The following SETBP1 variants were observed in gnomAD, a reference collection of about 807,000 sequenced individuals.
The protein encoded by SETBP1 is SET binding protein 1.
SETBP1 carries 9 observed loss-of-function variants against 101.0 expected under a neutral mutation model. That is an observed-to-expected ratio of 0.09 (90% CI 0.05 to 0.16). The LOEUF (loss-of-function observed/expected upper bound fraction) is 0.16, where lower values mean the gene tolerates loss of function less well. Ranked by LOEUF, SETBP1 falls within the 10% of genes least tolerant of loss-of-function variation. The pLI, the probability that SETBP1 is intolerant of heterozygous loss-of-function variation, is 1.00. For synonymous variants in SETBP1, 818 were observed against 788.5 expected (o/e 1.04, Z -0.63); for missense variants, 1,858 against 2,033.8 (o/e 0.91, Z 1.66).
At chr18:44,993,512 G>A (rs1041671751) in intron 4 of SETBP1, among the ~76,000 whole-genome samples, 1 of 151,818 alleles carries the variant, frequency 6.6e-6, no homozygotes, top group African/African-American at 2.4e-5. Flanking sequence ...CTGATGTATA[G>A]AAATGAATAC....
At chr18:44,869,380 A>T (rs2069216806) in intron 3 of SETBP1, 97 bp downstream of exon 3, 1 of 1,126,670 alleles carries the variant, frequency 8.9e-7, no homozygotes, top group African/African-American at 1.5e-5. Context: ...AGAAACCCGA[A>T]CCTTGGATTT....
chr18:44,827,052 A>G (rs1340843945), intron 2 of SETBP1, among the ~76,000 whole-genome samples: 1 of 152,208 alleles, frequency 6.6e-6, no homozygotes, highest in African/African-American at 2.4e-5. Context: ...TTACTGAAGT[A>G]CCTCAGTTCA....
rs1044666489 is a variant in SETBP1 at position 45,057,984 on chromosome 18, G to A, written c.4172-5095G>A. Among the ~76,000 whole-genome samples the A allele has an allele frequency of 7.2e-5, 11 of 152,208 alleles. 1 individual carries two copies. Among genetic ancestry groups the A allele is most frequent in the Admixed American group, 7.2e-4 (11 of 15,290 alleles). The stretch of plus-strand genomic sequence containing the variant: ...TTGACAAAATCAACAGAATGCTGAT[G>A]AGCCAATCTTCTGATAATGGGAGTG... On this transcript the variant is annotated intron_variant, in intron 5 of 5. Coordinates refer to ENST00000649279, the MANE Select transcript of SETBP1 (RefSeq NM_015559.3).
In SETBP1 at chr18:44,950,342, G is replaced by A. The variant is rs1227434675; in HGVS notation, c.1002G>A (p.Lys334=). The change falls in exon 4 of 6, where the codon AAG becomes AAA. Residue 334 remains lysine (K), a synonymous_variant. Coordinates refer to ENST00000649279, the MANE Select transcript of SETBP1 (RefSeq NM_015559.3). ...EPPEPPTVGS[K]KKSSKKDVIS... is the part of the protein sequence containing the mutation. ...CAGAACCACCTACGGTGGGCAGCAA[G>A]AAAAAGTCCAGTAAAAAAGATGTGA... 6.2e-7 allele frequency: 1 copy of A among 1,614,002 alleles called. No homozygotes were observed. Among genetic ancestry groups the A allele is most frequent in the South Asian group, 1.1e-5 (1 of 91,078 alleles).
At position 45,054,761 on chromosome 18, in the gene SETBP1, T is replaced by G. The variant is rs578209195; in HGVS notation, c.4172-8318T>G. Reference sequence around the variant, plus strand: ...CAGCTTAGATTATCTCTGGAATGAGTCGCCACTGTCATTATCTGTCCAAAG... The same window carrying G: ...CAGCTTAGATTATCTCTGGAATGAGGCGCCACTGTCATTATCTGTCCAAAG... On this transcript the variant is annotated intron_variant, in intron 5 of 5. Transcript: ENST00000649279. Among the ~76,000 whole-genome samples the G allele has an allele frequency of 2.4e-4, 37 of 152,254 alleles. 1 individual carries two copies. Among genetic ancestry groups the G allele is most frequent in the Admixed American group, 1.4e-3 (22 of 15,292 alleles).
chr18:45,015,049 C>T lies in SETBP1; in HGVS notation c.4001-23436C>T, dbSNP rs1322003015. ...ACATCAGGGGATTCCTGATCAGTGG[C>T]GAGCATGCCAGGGCTTGGGGAGGAT... On this transcript the variant is annotated intron_variant, in intron 4 of 5. Transcript: ENST00000649279. Among the ~76,000 whole-genome samples the T allele has an allele frequency of 3.9e-5, 6 of 152,224 alleles. No homozygotes were observed. The East Asian group carries it at 5.8e-4, about 15-fold the overall frequency.
chr18:45,033,219 T>G (rs1375703062), intron 4 of SETBP1, among the ~76,000 whole-genome samples: 6 of 152,164 alleles, frequency 3.9e-5, no homozygotes, highest in Non-Finnish European at 8.8e-5. Context: ...TTGTGAAAAA[T>G]ATGTCATTTA....
chr18:44,864,978 C>T (rs2069097649), intron 2 of SETBP1, among the ~76,000 whole-genome samples: 1 of 152,024 alleles, frequency 6.6e-6, no homozygotes, highest in Admixed American at 6.6e-5. Context: ...AAGGCAGTGG[C>T]TTTGAGGAGG....
chr18:44,975,967 A>G (rs976180214), intron 4 of SETBP1, among the ~76,000 whole-genome samples: 3 of 151,996 alleles, frequency 2.0e-5, no homozygotes, highest in Admixed American at 6.6e-5. Flanking sequence ...GGCTCTTTCT[A>G]CTTTCTGTCT....
Position 45,063,206 on chromosome 18 carries a change from C to A in SETBP1, c.4299C>A (p.Ile1433=). The change falls in exon 6 of 6, where the codon ATC becomes ATA. Residue 1433 remains isoleucine, a synonymous_variant. Coordinates refer to ENST00000649279, the MANE Select transcript of SETBP1 (RefSeq NM_015559.3). The part of the protein sequence containing the change: ...TKKNLDHVNK[I]LKAKRLQRQS... The stretch of plus-strand genomic sequence containing the variant: ...AGAACCTGGACCACGTGAACAAGAT[C>A]CTGAAGGCCAAGCGGCTGCAGAGAC... The A allele has an allele frequency of 6.2e-7, 1 of 1,614,024 alleles. No individual in the cohort carries two copies. Among genetic ancestry groups the A allele is most frequent in the Non-Finnish European group, 8.5e-7 (1 of 1,179,988 alleles).
chr18:44,878,728 C>T (rs911853058), intron 3 of SETBP1, among the ~76,000 whole-genome samples: 3 of 152,170 alleles, frequency 2.0e-5, no homozygotes, highest in African/African-American at 4.8e-5. Flanking sequence ...AACCCCACTA[C>T]CTGGCTCCCA....
chr18:44,767,581 G>T (rs1467753025), intron 2 of SETBP1, among the ~76,000 whole-genome samples: 1 of 152,208 alleles, frequency 6.6e-6, no homozygotes, highest in Non-Finnish European at 1.5e-5. Context: ...TGTAAAAAAA[G>T]ATTAAACAGG....
intron 2 of SETBP1, among the ~76,000 whole-genome samples, chr18:44,765,811 C>T (rs1361973742): frequency 6.6e-6 from 1 of 152,176 alleles, no homozygotes; most frequent in Non-Finnish European, 1.5e-5. Context: ...AAACAAGCAC[C>T]CATGAAGCAT....
At chr18:45,000,145 G>GTTAA (rs1205375741) in intron 4 of SETBP1, among the ~76,000 whole-genome samples, 1 of 152,200 alleles carries the variant, frequency 6.6e-6, no homozygotes. Flanking sequence ...TGTTTAAGAG[G>GTTAA]GATATGATTT....
chr18:44,947,753 G>A (rs184933682), intron 3 of SETBP1, among the ~76,000 whole-genome samples: 32 of 152,210 alleles, frequency 2.1e-4, no homozygotes, highest in Admixed American at 1.5e-3. Flanking sequence ...TGATCTGCCC[G>A]CCTCGGCCTC....
intron 2 of SETBP1, among the ~76,000 whole-genome samples, chr18:44,704,021 AAGC>A (rs2069167695): frequency 6.6e-6 from 1 of 152,208 alleles, no homozygotes; most frequent in Non-Finnish European, 1.5e-5. Context: ...GCCAGGATTT[AAGC>A]AGCAACCCAC....
chr18:44,717,914 CTG>C (rs5824555), intron 2 of SETBP1, among the ~76,000 whole-genome samples: 167 of 150,436 alleles, frequency 1.1e-3, no homozygotes, highest in African/African-American at 3.3e-3. Context: ...ATATATGCAT[CTG>C]TGTGTGTGTG....
intron 2 of SETBP1, among the ~76,000 whole-genome samples, chr18:44,804,299 C>T (rs2071678954): frequency 1.3e-5 from 2 of 152,050 alleles, no homozygotes; most frequent in Non-Finnish European, 2.9e-5. Flanking sequence ...GGGCTTAGGC[C>T]AGGCGATTTT....
Position 44,725,822 on chromosome 18 carries a change from C to T in SETBP1, c.486+23990C>T, listed in dbSNP as rs1054189420. On this transcript the variant is annotated intron_variant, in intron 2 of 5. Transcript: ENST00000649279. Reference sequence around the variant, plus strand: ...TCAACATACCTCCCCCCTCCAACTCCGTTTTCTTCCCACAGCCACCAAAGC... The same window carrying T: ...TCAACATACCTCCCCCCTCCAACTCTGTTTTCTTCCCACAGCCACCAAAGC... 2.6e-5 allele frequency among the ~76,000 whole-genome samples: 4 copies of T among 152,136 alleles called. No homozygotes were observed. In the East Asian group the frequency reaches 5.8e-4, roughly 22 times the overall value.
Sources: gnomAD v4.1 joint callset for allele counts (sites outside exome capture counted in the v4.1 genomes callset) on GRCh38, gnomAD v4.1.1 for gene constraint, MANE v1.5 for transcripts, NCBI Gene and HGNC (gene_info 2026-07-23, HGNC 2026-07-21) for gene names.